The following DPEP3 variants were observed in gnomAD, a reference collection of about 807,000 sequenced individuals.
DPEP3 encodes the protein dipeptidase 3.
DPEP3 carries 42 observed loss-of-function variants against 47.5 expected under a neutral mutation model. The observed-to-expected ratio is 0.88, with a 90% CI of 0.69 to 1.14. The LOEUF (loss-of-function observed/expected upper bound fraction) is 1.14. Among genes scored for constraint, DPEP3 ranks in the 50% most tolerant of loss-of-function variants. The pLI is 0.00. For missense variants in DPEP3, 560 were observed against 635.0 expected (o/e 0.88, Z 1.27); for synonymous variants, 276 against 270.2 (o/e 1.02, Z -0.21).
At position 67,975,960 on chromosome 16, in the gene DPEP3, C is replaced by T; in HGVS notation, c.1272G>A (p.Glu424=). The T allele has an allele frequency of 6.2e-7, 1 of 1,613,986 alleles. No individual in the cohort carries two copies. Residue 424 remains glutamate (E), a synonymous_variant, in exon 10 of 10, where the codon GAG becomes GAA. Transcript: ENST00000268793. The part of the protein sequence containing the change: ...ESRAQSPVEA[E]FPYGQLSTSC... ...ATGTGCTCAGTTGCCCATATGGAAA[C>T]TCAGCCTCCACGGGGCTCTGCGCCC...
intron 7 of DPEP3, among the ~76,000 whole-genome samples, 163 bp from the exon 8 acceptor site, chr16:67,976,938 T>A (rs2031209032): frequency 6.6e-6 from 1 of 152,176 alleles, no homozygotes; most frequent in Non-Finnish European, 1.5e-5. Flanking sequence ...AGAGTGGACC[T>A]TGGAGCCACC....
rs774029309 is a variant in DPEP3, at chr16:67,975,974, G to A, written c.1258C>T (p.Pro420Ser). 2.5e-6 allele frequency: 4 copies of A among 1,613,976 alleles called. No homozygotes were observed. Among genetic ancestry groups the A allele is most frequent in the Admixed American group, 3.3e-5 (2 of 60,018 alleles). Residue 420 changes from proline to serine, a missense_variant, in exon 10 of 10, where the codon CCC (proline) becomes TCC (serine). Pro to Ser is a moderately conservative substitution (Grantham distance 74). Transcript: ENST00000268793. ...KVREESRAQSPVEAEFPYGQL... is the reference protein window; with the variant it reads ...KVREESRAQSSVEAEFPYGQL... ...CCATATGGAAACTCAGCCTCCACGGGGCTCTGCGCCCTGCTCTCCTCTCTC... is the reference window on the plus strand; with the variant it reads ...CCATATGGAAACTCAGCCTCCACGGAGCTCTGCGCCCTGCTCTCCTCTCTC...
At chr16:67,976,570 G>A in intron 8 of DPEP3, 130 bp downstream of exon 8, 2 of 830,748 alleles carry the variant, frequency 2.4e-6, no homozygotes, top group Non-Finnish European at 1.9e-6. Context: ...TGAGAGTGGG[G>A]AGTGTCAGGT....
chr16:67,978,317 A>G lies in DPEP3; in HGVS notation c.636T>C (p.Tyr212=), dbSNP rs1567434332. 1.2e-6 allele frequency: 2 copies of G among 1,614,074 alleles called. No individual in the cohort carries two copies. The highest frequency in any genetic ancestry group is 1.7e-6 in the Non-Finnish European group (2 of 1,180,034). The part of the protein sequence containing the change: ...DSSLSVLRSF[Y]VLGVRYLTLT... ...GTGTCAGGTAGCGCACCCCCAGCAC[A>G]TAGAAACTGCGCAGCACAGAGAGGC... The change falls in exon 4 of 10, where the codon TAT becomes TAC. Residue 212 remains tyrosine, a synonymous_variant. Transcript: ENST00000268793. The surrounding 1 kb of genome is among the most constrained non-coding windows in gnomAD (Gnocchi z 4.4).
chr16:67,980,488 T>A lies in DPEP3; in HGVS notation c.-108A>T. The A allele has an allele frequency of 7.0e-7, 1 of 1,428,550 alleles. No homozygotes were observed. The highest frequency in any genetic ancestry group is 1.5e-5 in the African/African-American group (1 of 66,340). 88.5% of individuals were successfully genotyped at this position (1,428,550 alleles called of 1,614,324 possible). A position where few individuals can be genotyped will look rare whatever the true frequency, so the allele number is the denominator to read the frequency against. The stretch of plus-strand genomic sequence containing the variant: ...CAGCCTCCCGAAGAGGGGGTTGAAG[T>A]CACGCGACTCTGAGACCGACGCGCC... On this transcript the variant is annotated 5_prime_UTR_variant, in exon 1 of 10. Coordinates refer to ENST00000268793, the MANE Select transcript of DPEP3 (RefSeq NM_001370198.1).
chr16:67,975,663 T>A lies in DPEP3; in HGVS notation c.*102A>T, dbSNP rs1022692862. 1 of 1,179,824 alleles carries A rather than the reference T, an allele frequency of 8.5e-7. No homozygotes were observed. The highest frequency in any genetic ancestry group is 1.2e-6 in the Non-Finnish European group (1 of 833,874). 73.1% of individuals were successfully genotyped at this position (1,179,824 alleles called of 1,614,324 possible). On this transcript the variant is annotated 3_prime_UTR_variant, in exon 10 of 10. Transcript: ENST00000268793. The stretch of plus-strand genomic sequence containing the variant: ...AGAAGGAAGGACATGTGCACCTGGC[T>A]CCATGTGTAACATGTTTATTCTCAG...
At position 67,979,770 on chromosome 16, in the gene DPEP3, G is replaced by A. The variant is rs1339974022; in HGVS notation, c.288-5C>T. ...ACCTGGGGCAGGTCATTGTGGCTGG[G>A]GGTGTGAAGGTCAGATGGAAACACC... On this transcript the variant is annotated splice_polypyrimidine_tract_variant and splice_region_variant and intron_variant, in intron 1 of 9. Coordinates refer to ENST00000268793, the MANE Select transcript of DPEP3 (RefSeq NM_001370198.1). The A allele has an allele frequency of 1.9e-6, 3 of 1,613,698 alleles. No homozygotes were observed. Among genetic ancestry groups the A allele is most frequent in the South Asian group, 1.1e-5 (1 of 91,052 alleles).
Position 67,978,870 on chromosome 16 carries a change from C to G in DPEP3, c.415-244G>C, listed in dbSNP as rs2031260155. Among the ~76,000 whole-genome samples, 3 of 152,106 alleles carry G rather than the reference C, an allele frequency of 2.0e-5. No individual in the cohort carries two copies. The highest frequency in any genetic ancestry group is 7.2e-5 in the African/African-American group (3 of 41,406). On this transcript the variant is annotated intron_variant, in intron 2 of 9. Coordinates refer to ENST00000268793, the MANE Select transcript of DPEP3 (RefSeq NM_001370198.1). This position sits in a 1 kb window ranked among gnomAD's most constrained non-coding sequence, Gnocchi z 4.4. ...GCAGTGGTGTGATCATGGCTCACTGCAGCCTTGACCCCCCAGGCTCAAACA... is the reference window on the plus strand; with the variant it reads ...GCAGTGGTGTGATCATGGCTCACTGGAGCCTTGACCCCCCAGGCTCAAACA...
At chr16:67,977,377 A>T in intron 6 of DPEP3, 23 bp from the exon 7 acceptor site, 1 of 1,609,782 alleles carries the variant, frequency 6.2e-7, no homozygotes, top group Non-Finnish European at 8.5e-7. Flanking sequence ...AGGGATACTC[A>T]TCTCAGCCCT....
In DPEP3 at chr16:67,980,314, G is replaced by A. The variant is rs1451059524; in HGVS notation, c.67C>T (p.Leu23=). ...TGCCGCAGCAGCAGCAGCAGTAGCAGGAGCAGCAGACGCCGCAGATACCGC... is the reference window on the plus strand; with the variant it reads ...TGCCGCAGCAGCAGCAGCAGTAGCAAGAGCAGCAGACGCCGCAGATACCGC... ...SRRYLRRLLL[L]LLLLLLRQPV... is the part of the protein sequence containing the mutation. Residue 23 remains leucine (L), a synonymous_variant, in exon 1 of 10, where the codon CTG becomes TTG. Coordinates refer to ENST00000268793, the MANE Select transcript of DPEP3 (RefSeq NM_001370198.1). 1 of 1,562,414 alleles carries A rather than the reference G, an allele frequency of 6.4e-7. No homozygotes were observed. The highest frequency in any genetic ancestry group is 8.7e-7 in the Non-Finnish European group (1 of 1,155,120).
chr16:67,980,232 C>A lies in DPEP3; in HGVS notation c.149G>T (p.Gly50Val). ...CGGCGTGGTGAAGAGGCTGGGGGAG[C>A]CCAGCGTGGAGAGGGCTCTGGGGGC... is the stretch of plus-strand genomic sequence containing the variant. ...PGAPRALSTL[G>V]SPSLFTTPGV... Residue 50 changes from glycine (G) to valine (V), a missense_variant, in exon 1 of 10, where the codon GGC becomes GTC. Transcript: ENST00000268793. 1 of 1,608,300 alleles carries A rather than the reference C, an allele frequency of 6.2e-7. No individual in the cohort carries two copies. Among genetic ancestry groups the A allele is most frequent in the Non-Finnish European group, 8.5e-7 (1 of 1,177,694 alleles).
Position 67,976,733 on chromosome 16 carries a change from A to G in DPEP3, c.1061T>C (p.Ile354Thr). The change falls in exon 8 of 10, where the codon ATC (isoleucine) becomes ACC (threonine). Residue 354 changes from isoleucine (I) to threonine (T), a missense_variant. Transcript: ENST00000268793. ...CCCGTCATAATTTCCACCAATCCCGATGAACTCAGATCCAATGACTGCCCT... is the reference window on the plus strand; with the variant it reads ...CCCGTCATAATTTCCACCAATCCCGGTGAACTCAGATCCAATGACTGCCCT... ...HIRAVIGSEF[I>T]GIGGNYDGTG... 6.2e-7 allele frequency: 1 copy of G among 1,614,084 alleles called. No individual in the cohort carries two copies. The highest frequency in any genetic ancestry group is 8.5e-7 in the Non-Finnish European group (1 of 1,180,004).
chr16:67,976,603 G>A, intron 8 of DPEP3, 97 bp downstream of exon 8: 1 of 1,172,924 alleles, frequency 8.5e-7, no homozygotes, highest in Non-Finnish European at 1.2e-6. Context: ...CAGAGCCTGT[G>A]GCTGAGGCCT....
chr16:67,977,151 C>G, intron 7 of DPEP3, 119 bp downstream of exon 7: 5 of 830,710 alleles, frequency 6.0e-6, no homozygotes, highest in East Asian at 2.7e-5. Flanking sequence ...TCTGCTGCCT[C>G]TGGGTCGTTG....
chr16:67,978,069 G>T lies in DPEP3; in HGVS notation c.687-62C>A. The T allele has an allele frequency of 6.3e-7, 1 of 1,595,656 alleles. No individual in the cohort carries two copies. The highest frequency in any genetic ancestry group is 8.6e-7 in the Non-Finnish European group (1 of 1,163,880). On this transcript the variant is annotated intron_variant, in intron 4 of 9. Coordinates refer to ENST00000268793, the MANE Select transcript of DPEP3 (RefSeq NM_001370198.1). The surrounding 1 kb of genome is among the most constrained non-coding windows in gnomAD (Gnocchi z 4.4). ...ACACCTTGGGCCATCACAGCCTGGG[G>T]GCCCTGGCTCTATCCATCCATCCTG...
In DPEP3 at chr16:67,977,821, T is replaced by G; in HGVS notation, c.765A>C (p.Val255=). ...SGLTSFGEKV[V]EELNRLGMMI... is the part of the protein sequence containing the mutation. The stretch of plus-strand genomic sequence containing the variant: ...TCATGCCCAGGCGGTTCAACTCCTC[T>G]ACTACTTTCTGCAGAAACAATTAGG... The change falls in exon 6 of 10, where the codon GTA becomes GTC. Residue 255 remains valine (V), a synonymous_variant. Coordinates refer to ENST00000268793, the MANE Select transcript of DPEP3 (RefSeq NM_001370198.1). 6.2e-7 allele frequency: 1 copy of G among 1,613,924 alleles called. No homozygotes were observed. Among genetic ancestry groups the G allele is most frequent in the Non-Finnish European group, 8.5e-7 (1 of 1,179,832 alleles).
Position 67,980,462 on chromosome 16 carries a change from C to T in DPEP3, c.-82G>A. On this transcript the variant is annotated 5_prime_UTR_variant, in exon 1 of 10. Coordinates refer to ENST00000268793, the MANE Select transcript of DPEP3 (RefSeq NM_001370198.1). ...ACAATGGGGTCCGGATCATGACGAC[C>T]CAGCCTCCCGAAGAGGGGGTTGAAG... 6.9e-7 allele frequency: 1 copy of T among 1,443,922 alleles called. No homozygotes were observed. Among genetic ancestry groups the T allele is most frequent in the Non-Finnish European group, 9.1e-7 (1 of 1,098,910 alleles). 89.4% of individuals were successfully genotyped at this position (1,443,922 alleles called of 1,614,324 possible).
chr16:67,976,876 GCTC>G (rs2031207820), intron 7 of DPEP3, 101 bp from the exon 8 acceptor site: 1 of 990,824 alleles, frequency 1.0e-6, no homozygotes, highest in African/African-American at 1.6e-5. Flanking sequence ...CACAGAGCTA[GCTC>G]ATGGCCAGTC....
rs1567433893 is a variant in DPEP3 at position 67,977,331 on chromosome 16, C to G, written c.957G>C (p.Met319Ile). ...QLLKKNGGIV[M>I]VTLSMGVLQC... ...GCAGCACCCCCATGGACAGTGTCAC[C>G]ATCACGATGCCACCGTTCTTCTTCT... is the stretch of plus-strand genomic sequence containing the variant. Residue 319 changes from methionine (M) to isoleucine (I), a missense_variant, in exon 7 of 10, where the codon ATG becomes ATC. Transcript: ENST00000268793. 6.2e-7 allele frequency: 1 copy of G among 1,613,892 alleles called. No individual in the cohort carries two copies. Among genetic ancestry groups the G allele is most frequent in the Non-Finnish European group, 8.5e-7 (1 of 1,179,872 alleles).
Sources: allele counts gnomAD v4.1 joint callset (sites outside exome capture counted in the v4.1 genomes callset), GRCh38; gene constraint gnomAD v4.1.1; non-coding constraint Gnocchi (gnomAD v3.1); transcripts MANE v1.5; gene names NCBI Gene and HGNC (gene_info 2026-07-23, HGNC 2026-07-21).